Variants in ABCG5 observed in about 807,000 individuals in gnomAD.
ABCG5 encodes the protein ATP-binding cassette sub-family G member 5.
A neutral mutation model predicts 64.5 loss-of-function variants in ABCG5; 64 were observed. The observed-to-expected ratio is 0.99, with a 90% CI of 0.81 to 1.22. The LOEUF is 1.22. Among genes scored for constraint, ABCG5 ranks in the 50% most tolerant of loss-of-function variants. The pLI, the probability that ABCG5 is intolerant of heterozygous loss-of-function variation, is 0.00. For synonymous variants in ABCG5, 385 were observed against 326.3 expected, an observed-to-expected ratio of 1.18 and a Z score of -1.94; for missense variants, 908 against 829.5, an observed-to-expected ratio of 1.09 and a Z score of -1.16.
chr2:43,807,941 C>G (rs530423746), downstream of ABCG5, among the ~76,000 whole-genome samples: 17 of 151,988 alleles, frequency 1.1e-4, no homozygotes, highest in South Asian at 3.5e-3. Flanking sequence ...TTGGTTATTC[C>G]TTTTTCTCCC....
chr2:43,824,704 T>C (rs1332680551), intron 7 of ABCG5, 185 bp downstream of exon 7: 74 of 941,750 alleles, frequency 7.9e-5, no homozygotes, highest in Non-Finnish European at 8.7e-5. Flanking sequence ...GAGAGATCCC[T>C]GACCTCATTC....
rs541510998 is a variant in ABCG5 at position 43,815,454 on chromosome 2, A to T, written c.1650-865T>A. On this transcript the variant is annotated intron_variant, in intron 11 of 12. Coordinates refer to ENST00000405322, the MANE Select transcript of ABCG5 (RefSeq NM_022436.3). ...TGAACTATTTGTGCCAAGAAAGTAT[A>T]AAAAAATGTGTACCACACATCCATG... 1.5e-3 allele frequency among the ~76,000 whole-genome samples: 223 copies of T among 152,334 alleles called. 1 individual carries two copies. Among genetic ancestry groups the T allele is most frequent in the African/African-American group, 5.1e-3 (213 of 41,590 alleles).
At position 43,837,989 on chromosome 2, in the gene ABCG5, T is replaced by C. The variant is rs373846550; in HGVS notation, c.144-34A>G. The C allele has an allele frequency of 2.2e-5, 35 of 1,612,954 alleles. 1 individual carries two copies. Among genetic ancestry groups the C allele is most frequent in the East Asian group, 1.3e-4 (6 of 44,844 alleles). Reference sequence around the variant, plus strand: ...GAAACCCCAGGAAGGCAAAGGCAGCTTGGGGCCCTGGAAGGGGCCACACCC... The same window carrying C: ...GAAACCCCAGGAAGGCAAAGGCAGCCTGGGGCCCTGGAAGGGGCCACACCC... On this transcript the variant is annotated intron_variant, in intron 1 of 12. Transcript: ENST00000405322.
chr2:43,807,967 G>GT, downstream of ABCG5, among the ~76,000 whole-genome samples: 1 of 152,110 alleles, frequency 6.6e-6, no homozygotes, highest in South Asian at 2.1e-4. Flanking sequence ...CATGGCCTGT[G>GT]TGATAGCCCT....
At chr2:43,831,714 GC>G (rs1667954741) in intron 4 of ABCG5, 54 bp downstream of exon 4, 1 of 1,485,162 alleles carries the variant, frequency 6.7e-7, no homozygotes, top group Admixed American at 2.0e-5. Context: ...GAGGAGGGCA[GC>G]GGGGGGTGCA....
rs564987569 is a variant in ABCG5, at chr2:43,812,698, CTCTT to C, written c.*414_*417del. The C allele has an allele frequency of 1.1e-4, 22 of 204,386 alleles. No homozygotes were observed. The South Asian group carries it at 1.8e-3, about 17-fold the overall frequency. The allele number at this position is 204,386 out of a possible 1,614,324, so 12.7% of individuals were successfully genotyped here. A position where few individuals can be genotyped will look rare whatever the true frequency, so the allele number is the denominator to read the frequency against. ...CCTTGCTTCATCTAAACCCACAACT[CTCTT>C]TCTCTGTCACTTATGGTCAGGAATC... On this transcript the variant is annotated 3_prime_UTR_variant, in exon 13 of 13. Transcript: ENST00000405322.
rs763327653 is a variant in ABCG5, at chr2:43,822,928, C to G, written c.1332G>C (p.Val444=). 6.2e-7 allele frequency: 1 copy of G among 1,613,918 alleles called. No individual in the cohort carries two copies. The highest frequency in any genetic ancestry group is 1.3e-5 in the African/African-American group (1 of 75,030). The part of the protein sequence containing the change: ...GMLNAVNLFP[V]LRAVSDQESQ... ...TCTCCTGGTCGCTGACAGCTCGCAG[C>G]ACGGGAACTGGGGATGGAAGGCAGG... is the stretch of plus-strand genomic sequence containing the variant. Residue 444 remains valine (V), a synonymous_variant, in exon 10 of 13, where the codon GTG becomes GTC. Transcript: ENST00000405322.
At chr2:43,826,911 T>C (rs1667643445) in intron 5 of ABCG5, among the ~76,000 whole-genome samples, 1 of 152,198 alleles carries the variant, frequency 6.6e-6, no homozygotes, top group African/African-American at 2.4e-5. Flanking sequence ...TGTAACACTT[T>C]CCAACACCAG....
At chr2:43,833,542 C>A (rs1173488190) in intron 2 of ABCG5, among the ~76,000 whole-genome samples, 1 of 151,724 alleles carries the variant, frequency 6.6e-6, no homozygotes, top group African/African-American at 2.4e-5. Flanking sequence ...GCCACCATGC[C>A]CAACTAATTT....
Position 43,819,482 on chromosome 2 carries a change from T to C in ABCG5, c.1649+433A>G, listed in dbSNP as rs560013011. Among the ~76,000 whole-genome samples, 229 of 110,592 alleles carry C rather than the reference T, an allele frequency of 2.1e-3. 1 individual carries two copies. Among genetic ancestry groups the C allele is most frequent in the African/African-American group, 0.012 (214 of 17,316 alleles). The allele number at this position is 110,592 out of a possible 152,430, so 72.6% of individuals were successfully genotyped here. The stretch of plus-strand genomic sequence containing the variant: ...TGGAGCAGTCTTTTATCCTGCAGGC[T>C]TTTTTTTTTTTGTCTGACTAGTCTT... On this transcript the variant is annotated intron_variant, in intron 11 of 12. Transcript: ENST00000405322.
In ABCG5 at chr2:43,824,072, G is replaced by T; in HGVS notation, c.1165C>A (p.Arg389Ser). 6.2e-7 allele frequency: 1 copy of T among 1,614,164 alleles called. No homozygotes were observed. The highest frequency in any genetic ancestry group is 8.5e-7 in the Non-Finnish European group (1 of 1,180,022). ...LVRNKLAVIT[R>S]LLQNLIMGLF... The stretch of plus-strand genomic sequence containing the variant: ...CCCATGATCAGATTCTGAAGGAGAC[G>T]CGTAATCACTGCCAGCTTATTTCTC... The change falls in exon 9 of 13, where the codon CGT becomes AGT. Residue 389 changes from arginine to serine, a missense_variant. Physicochemically the swap from Arg to Ser is moderately radical, Grantham distance 110. Transcript: ENST00000405322.
intron 5 of ABCG5, among the ~76,000 whole-genome samples, chr2:43,827,041 G>A (rs968166104): frequency 6.6e-6 from 1 of 152,148 alleles, no homozygotes; most frequent in African/African-American, 2.4e-5. Context: ...AAGTGACAAG[G>A]GGGCCGGGCG....
the ABCG5 span, among the ~76,000 whole-genome samples, chr2:43,806,944 T>C: frequency 6.6e-6 from 1 of 152,190 alleles, no homozygotes; most frequent in East Asian, 1.9e-4. Context: ...AGTTTGCCTC[T>C]AAACCACTTT....
In ABCG5 at chr2:43,826,529, CA is replaced by C; in HGVS notation, c.635-9del. Reference sequence around the variant, plus strand: ...CATCAAACAGCATGACCTCTGCCAGCAAAGAAGGGCCAGACTTCTAAGGTAG... The same window carrying C: ...CATCAAACAGCATGACCTCTGCCAGCAAGAAGGGCCAGACTTCTAAGGTAG... On this transcript the variant is annotated splice_polypyrimidine_tract_variant and intron_variant, in intron 5 of 12. Coordinates refer to ENST00000405322, the MANE Select transcript of ABCG5 (RefSeq NM_022436.3). The C allele has an allele frequency of 6.2e-7, 1 of 1,614,176 alleles. No homozygotes were observed. Among genetic ancestry groups the C allele is most frequent in the Non-Finnish European group, 8.5e-7 (1 of 1,180,030 alleles).
At chr2:43,835,671 T>G (rs1406762893) in intron 2 of ABCG5, among the ~76,000 whole-genome samples, 2 of 152,124 alleles carry the variant, frequency 1.3e-5, no homozygotes, top group African/African-American at 4.8e-5. Context: ...GGAGGTGATA[T>G]TGGGAGATGA....
At position 43,831,883 on chromosome 2, in the gene ABCG5, G is replaced by C; in HGVS notation, c.403-16C>G. ...GGGTGTCGCTCTGCAGGAGACTCGG[G>C]CGTCAGTGTAGCCTAAGCCCCCGGG... On this transcript the variant is annotated splice_polypyrimidine_tract_variant and intron_variant, in intron 3 of 12. Coordinates refer to ENST00000405322, the MANE Select transcript of ABCG5 (RefSeq NM_022436.3). 1 of 1,560,976 alleles carries C rather than the reference G, an allele frequency of 6.4e-7. No individual in the cohort carries two copies. The highest frequency in any genetic ancestry group is 8.7e-7 in the Non-Finnish European group (1 of 1,153,586).
chr2:43,825,499 G>A (rs745961068), intron 6 of ABCG5, among the ~76,000 whole-genome samples: 20 of 152,194 alleles, frequency 1.3e-4, no homozygotes, highest in Non-Finnish European at 2.8e-4. Context: ...GTATGATTTC[G>A]TGGAAAAACA....
At chr2:43,809,262 G>A (rs1229663760), downstream of ABCG5, among the ~76,000 whole-genome samples, 8 of 152,068 alleles carry the variant, frequency 5.3e-5, no homozygotes, top group Non-Finnish European at 1.0e-4. Flanking sequence ...AAAGTGCTGG[G>A]ACTATAGGAA....
intron 11 of ABCG5, among the ~76,000 whole-genome samples, chr2:43,815,911 A>G (rs906396602): frequency 6.4e-4 from 32 of 50,120 alleles, no homozygotes; most frequent in South Asian, 9.0e-4. Flanking sequence ...ACAGGAAAAG[A>G]AAAAAAAAAA....
Sources: allele counts gnomAD v4.1 joint callset (sites outside exome capture counted in the v4.1 genomes callset), GRCh38; gene constraint gnomAD v4.1.1; transcripts MANE v1.5; gene names NCBI Gene and HGNC (gene_info 2026-07-23, HGNC 2026-07-21).